DSCAM: variants seen among roughly 807,000 people sequenced by gnomAD.
The protein encoded by DSCAM is cell adhesion molecule DSCAM.
In DSCAM, 47 loss-of-function variants were observed where a neutral mutation model predicts 217.7. The ratio of observed to expected loss-of-function variants is 0.22; its 90% CI spans 0.17 to 0.28. The LOEUF is 0.28. Among genes scored for constraint, DSCAM ranks in the 10% least tolerant of loss-of-function variants. The pLI is 1.00. For missense variants in DSCAM, 2,080 were observed against 2,618.3 expected, an observed-to-expected ratio of 0.79 and a Z score of 4.49; for synonymous variants, 1,056 against 1,015.3, an observed-to-expected ratio of 1.04 and a Z score of -0.76.
chr21:40,369,199 A>G lies in DSCAM; in HGVS notation c.555T>C (p.Asp185=), dbSNP rs79789068. The change falls in exon 4 of 33, where the codon GAT becomes GAC. Residue 185 remains aspartate, a synonymous_variant. Transcript: ENST00000400454. The stretch of plus-strand genomic sequence containing the variant: ...TATACAATCCATCTTCATTCTGTAC[A>G]TCTTTAATATACAAGGCTCCCGTGG... ...ITSTGALYIK[D]VQNEDGLYNY... 297 of 1,612,568 alleles carry G rather than the reference A, an allele frequency of 1.8e-4. 1 individual carries two copies. In the African/African-American group the frequency reaches 3.1e-3, roughly 17 times the overall value.
At chr21:40,533,223 C>CT (rs1397972268) in intron 3 of DSCAM, among the ~76,000 whole-genome samples, 1 of 152,210 alleles carries the variant, frequency 6.6e-6, no homozygotes, top group Non-Finnish European at 1.5e-5. Flanking sequence ...TCCTTACCTC[C>CT]TGCCAATGTG....
intron 8 of DSCAM, among the ~76,000 whole-genome samples, chr21:40,317,895 A>C (rs1173808003): frequency 1.3e-5 from 2 of 152,166 alleles, no homozygotes; most frequent in Non-Finnish European, 2.9e-5. Context: ...GATGATGAAC[A>C]TATGTTTACA....
intron 17 of DSCAM, among the ~76,000 whole-genome samples, chr21:40,143,554 G>A (rs2090317921): frequency 6.6e-6 from 1 of 152,212 alleles, no homozygotes; most frequent in Non-Finnish European, 1.5e-5. Flanking sequence ...CACTTTTGGA[G>A]GCCGAGGCGG....
intron 3 of DSCAM, among the ~76,000 whole-genome samples, chr21:40,645,526 G>A (rs1329520376): frequency 6.6e-6 from 1 of 151,900 alleles, no homozygotes; most frequent in Admixed American, 6.6e-5. Flanking sequence ...TTTTTAGTAG[G>A]CATCCACTAT....
At chr21:40,704,865 T>C (rs1022475522) in intron 2 of DSCAM, among the ~76,000 whole-genome samples, 1 of 152,200 alleles carries the variant, frequency 6.6e-6, no homozygotes, top group African/African-American at 2.4e-5. Flanking sequence ...TGAGGGTTTA[T>C]AGCCAATGAA....
intron 2 of DSCAM, among the ~76,000 whole-genome samples, chr21:40,703,564 GCAA>G (rs1181355259): frequency 1.3e-5 from 2 of 151,856 alleles, no homozygotes; most frequent in African/African-American, 4.8e-5. Context: ...ACACCCAACA[GCAA>G]CAACAAAAAT....
intron 1 of DSCAM, among the ~76,000 whole-genome samples, chr21:40,846,069 G>A (rs1246933653): frequency 1.3e-5 from 2 of 151,060 alleles, no homozygotes; most frequent in African/African-American, 2.4e-5. Flanking sequence ...TTACATAAAC[G>A]ACTGTGAGGA....
intron 1 of DSCAM, among the ~76,000 whole-genome samples, chr21:40,839,335 T>C (rs2092081523): frequency 6.6e-6 from 1 of 152,216 alleles, no homozygotes; most frequent in African/African-American, 2.4e-5. Context: ...CTCTCAGTAA[T>C]TGCTTTATTA....
chr21:40,285,922 T>C (rs1296927047), intron 10 of DSCAM, among the ~76,000 whole-genome samples: 4 of 152,068 alleles, frequency 2.6e-5, no homozygotes, highest in Non-Finnish European at 5.9e-5. Context: ...ATCAGAGGAG[T>C]GCACTGGGGC....
chr21:40,200,288 A>C (rs1188268607), intron 11 of DSCAM, among the ~76,000 whole-genome samples: 6 of 151,898 alleles, frequency 4.0e-5, no homozygotes, highest in Non-Finnish European at 7.4e-5. Flanking sequence ...CAACTCTTAA[A>C]CAATCCCTAT....
At chr21:40,135,710 T>C (rs917437478) in intron 18 of DSCAM, among the ~76,000 whole-genome samples, 7 of 152,260 alleles carry the variant, frequency 4.6e-5, no homozygotes, top group Non-Finnish European at 1.0e-4. Context: ...GTATTTTGTG[T>C]GTCCAGGATA....
At chr21:40,093,661 T>C (rs1355496986) in intron 21 of DSCAM, 60 bp downstream of exon 21, 4 of 1,579,940 alleles carry the variant, frequency 2.5e-6, no homozygotes, top group Middle Eastern at 1.7e-4. Context: ...TCAGGTAAAA[T>C]AGAGACTTAA....
chr21:40,296,808 G>A (rs1224645830), intron 9 of DSCAM, among the ~76,000 whole-genome samples: 3 of 124,126 alleles, frequency 2.4e-5, no homozygotes, highest in African/African-American at 6.8e-5. Context: ...TCCAGCCTGG[G>A]CAACAAGAGT....
At chr21:40,371,164 T>C (rs2074894073) in intron 3 of DSCAM, among the ~76,000 whole-genome samples, 1 of 152,208 alleles carries the variant, frequency 6.6e-6, no homozygotes, top group South Asian at 2.1e-4. Context: ...ATGCCATAAA[T>C]AATGCTAGCT....
chr21:40,696,570 A>G (rs2090597788), intron 2 of DSCAM, among the ~76,000 whole-genome samples: 2 of 152,204 alleles, frequency 1.3e-5, no homozygotes, highest in African/African-American at 2.4e-5. Flanking sequence ...CCAGTGCCCA[A>G]GCAATCCTCT....
intron 3 of DSCAM, among the ~76,000 whole-genome samples, chr21:40,505,892 A>G (rs1010059046): frequency 3.0e-4 from 45 of 152,308 alleles, no homozygotes; most frequent in African/African-American, 9.6e-4. Context: ...CAACAACTCT[A>G]TTAATCAAAG....
At chr21:40,344,809 A>G (rs1398453494) in intron 6 of DSCAM, among the ~76,000 whole-genome samples, 1 of 152,088 alleles carries the variant, frequency 6.6e-6, no homozygotes, top group Non-Finnish European at 1.5e-5. Flanking sequence ...TTACTTTTAT[A>G]CCAAAGTCGA....
chr21:40,709,488 C>T (rs1467829886), intron 1 of DSCAM, among the ~76,000 whole-genome samples: 2 of 152,184 alleles, frequency 1.3e-5, no homozygotes, highest in Non-Finnish European at 2.9e-5. Context: ...TATCCCTCCC[C>T]TAGTTCCCCA....
intron 27 of DSCAM, among the ~76,000 whole-genome samples, chr21:40,070,061 C>T (rs2089268742): frequency 1.3e-5 from 2 of 151,862 alleles, no homozygotes; most frequent in South Asian, 4.1e-4. Context: ...CCCCTCACCC[C>T]CATGCTCTTT....
Sources: allele counts gnomAD v4.1 joint callset (sites outside exome capture counted in the v4.1 genomes callset), GRCh38; gene constraint gnomAD v4.1.1; transcripts MANE v1.5; gene names NCBI Gene and HGNC (gene_info 2026-07-23, HGNC 2026-07-21).